Variants in THAP12 observed in about 807,000 individuals in gnomAD.
THAP12 encodes the protein 52 kDa repressor of the inhibitor of the protein kinase.
Under a neutral mutation model 63.0 loss-of-function variants are expected in THAP12, and 20 were observed. The ratio of observed to expected loss-of-function variants is 0.32; its 90% CI spans 0.22 to 0.46. The LOEUF (loss-of-function observed/expected upper bound fraction) is 0.46. THAP12 is among the 20% of genes least tolerant of loss of function. The pLI, the probability that THAP12 is intolerant of heterozygous loss-of-function variation, is 1.00. For synonymous variants in THAP12, 264 were observed against 328.4 expected, an observed-to-expected ratio of 0.80 and a Z score of 2.12; for missense variants, 568 against 908.2, an observed-to-expected ratio of 0.63 and a Z score of 4.81.
chr11:76,370,171 G>A (rs1310922339), intron 1 of THAP12, among the ~76,000 whole-genome samples: 2 of 152,114 alleles, frequency 1.3e-5, no homozygotes, highest in Non-Finnish European at 1.5e-5. Flanking sequence ...ACTAATCCAA[G>A]GTATGTGAAG....
chr11:76,380,530 C>A (rs906287862), intron 1 of THAP12, among the ~76,000 whole-genome samples: 1 of 152,174 alleles, frequency 6.6e-6, no homozygotes, highest in Non-Finnish European at 1.5e-5. Flanking sequence ...CCGCGCAGAG[C>A]CCCCACCAGC....
chr11:76,363,227 C>A (rs1179222639), intron 2 of THAP12, among the ~76,000 whole-genome samples: 1 of 152,124 alleles, frequency 6.6e-6, no homozygotes, highest in African/African-American at 2.4e-5. Context: ...ACGTATGATA[C>A]CAAGTATCTC....
In THAP12 at chr11:76,352,740, G is replaced by A. The variant is rs770972148; in HGVS notation, c.410C>T (p.Ala137Val). Residue 137 changes from alanine (A) to valine (V), a missense_variant, in exon 5 of 5, where the codon GCT becomes GTT. Ala to Val is a moderately conservative substitution (Grantham distance 64). Transcript: ENST00000260045. ...QKHKETNNSN[A>V]QNPSEEEGEG... is the part of the protein sequence containing the mutation. Reference sequence around the variant, plus strand: ...ACCCTCTTCTTCGCTGGGGTTCTGAGCATTGCTATTGTTGGTTTCTTTATG... The same window carrying A: ...ACCCTCTTCTTCGCTGGGGTTCTGAACATTGCTATTGTTGGTTTCTTTATG... 80 of 1,578,552 alleles carry A rather than the reference G, an allele frequency of 5.1e-5. No homozygotes were observed. The highest frequency in any genetic ancestry group is 6.2e-5 in the Non-Finnish European group (72 of 1,165,542).
chr11:76,374,747 C>T lies in THAP12; in HGVS notation c.89+6001G>A, dbSNP rs529742178. On this transcript the variant is annotated intron_variant, in intron 1 of 4. Coordinates refer to ENST00000260045, the MANE Select transcript of THAP12 (RefSeq NM_004705.4). ...AGTGTTATTATGAAAATAGTTCTGA[C>T]ATTGTGGACTCCCTGAAAGGATCTT... Among the ~76,000 whole-genome samples, 5 of 152,302 alleles carry T rather than the reference C, an allele frequency of 3.3e-5. No homozygotes were observed. The South Asian group carries it at 1.0e-3, about 32-fold the overall frequency.
chr11:76,363,930 C>T (rs577080060), intron 2 of THAP12, among the ~76,000 whole-genome samples: 29 of 152,262 alleles, frequency 1.9e-4, no homozygotes, highest in African/African-American at 6.3e-4. Flanking sequence ...TTAATAACAA[C>T]ATCTCCTAGA....
chr11:76,354,811 A>G (rs1271979885), intron 4 of THAP12, among the ~76,000 whole-genome samples: 1 of 152,130 alleles, frequency 6.6e-6, no homozygotes, highest in Non-Finnish European at 1.5e-5. Context: ...TCTCTAGGCT[A>G]TTTTCTAACC....
chr11:76,371,810 C>CTTTTTT (rs71036086), intron 1 of THAP12, among the ~76,000 whole-genome samples: 5 of 65,736 alleles, frequency 7.6e-5, no homozygotes, highest in African/African-American at 2.4e-4. Flanking sequence ...TTTAACTTTT[C>CTTTTTT]TTTTTTTTTT....
intron 1 of THAP12, 97 bp from the exon 2 acceptor site, chr11:76,366,069 C>T (rs1345290695): frequency 7.6e-7 from 1 of 1,309,426 alleles, no homozygotes; most frequent in Non-Finnish European, 1.1e-6. Context: ...ACAACGGATT[C>T]CTGCTCCCCT....
intron 3 of THAP12, among the ~76,000 whole-genome samples, chr11:76,360,404 T>C (rs1946590530): frequency 6.6e-6 from 1 of 152,192 alleles, no homozygotes; most frequent in South Asian, 2.1e-4. Flanking sequence ...TGTACTTCTG[T>C]TCACCTAAGG....
At chr11:76,366,996 T>G (rs1946635644) in intron 1 of THAP12, among the ~76,000 whole-genome samples, 1 of 151,798 alleles carries the variant, frequency 6.6e-6, no homozygotes, top group African/African-American at 2.4e-5. Flanking sequence ...ACTATTAATA[T>G]CCCCCTTGTG....
rs1436362956 is a variant in THAP12, at chr11:76,351,431, G to A, written c.1719C>T (p.Tyr573=). 6.2e-7 allele frequency: 1 copy of A among 1,603,522 alleles called. No individual in the cohort carries two copies. The highest frequency in any genetic ancestry group is 8.5e-7 in the Non-Finnish European group (1 of 1,172,382). Residue 573 remains tyrosine (Y), a synonymous_variant, in exon 5 of 5, where the codon TAC becomes TAT. Coordinates refer to ENST00000260045, the MANE Select transcript of THAP12 (RefSeq NM_004705.4). ...NLESQLTSES[Y]YKETLSVPTV... ...TTGGGACACTTAGGGTTTCTTTATA[G>A]TAACTCTCAGAGGTTAGCTGAGATT...
At chr11:76,359,601 G>A (rs1056469704) in intron 3 of THAP12, 5 of 152,190 alleles carry the variant, frequency 3.3e-5, no homozygotes, top group African/African-American at 9.7e-5. Flanking sequence ...GCCGAGGTGG[G>A]CGGATCACTT....
At position 76,352,017 on chromosome 11, in the gene THAP12, G is replaced by T; in HGVS notation, c.1133C>A (p.Ser378Tyr). The T allele has an allele frequency of 6.2e-7, 1 of 1,610,346 alleles. No homozygotes were observed. The highest frequency in any genetic ancestry group is 2.2e-5 in the East Asian group (1 of 44,866). Reference sequence around the variant, plus strand: ...TTCCTCAATTGTTCCTAATGCAACAGATACTCCCATAACAGGTACTGATTT... The same window carrying T: ...TTCCTCAATTGTTCCTAATGCAACATATACTCCCATAACAGGTACTGATTT... ...LAKSVPVMGV[S>Y]VALGTIEEVC... is the part of the protein sequence containing the mutation. Residue 378 changes from serine to tyrosine, a missense_variant, in exon 5 of 5, where the codon TCT (serine) becomes TAT (tyrosine). Physicochemically the swap from Ser to Tyr is moderately radical, Grantham distance 144 (BLOSUM62 -2). Transcript: ENST00000260045.
chr11:76,371,810 CTTTTT>C (rs71036086), intron 1 of THAP12, among the ~76,000 whole-genome samples: 12 of 65,750 alleles, frequency 1.8e-4, no homozygotes, highest in African/African-American at 4.9e-4. Flanking sequence ...TTTAACTTTT[CTTTTT>C]TTTTTTTTTT....
In THAP12 at chr11:76,380,758, C is replaced by A; in HGVS notation, c.79G>T (p.Asp27Tyr). The A allele has an allele frequency of 6.9e-7, 1 of 1,455,568 alleles. No homozygotes were observed. The highest frequency in any genetic ancestry group is 9.1e-7 in the Non-Finnish European group (1 of 1,097,052). The allele number at this position is 1,455,568 out of a possible 1,614,324, so 90.2% of individuals were successfully genotyped here. The change falls in exon 1 of 5, where the codon GAC (aspartate) becomes TAC (tyrosine). Residue 27 changes from aspartate (D) to tyrosine (Y), a missense_variant. Transcript: ENST00000260045. ...SDLAFFRFPR[D>Y]PARCQKWVEN... ...GCGCCCGCCGCTTACCTGGCAGGGT[C>A]CCGCGGGAACCTGAAGAAGGCCAAG... is the stretch of plus-strand genomic sequence containing the variant.
Position 76,351,058 on chromosome 11 carries a change from C to T in THAP12, c.2092G>A (p.Glu698Lys). 1 of 1,611,996 alleles carries T rather than the reference C, an allele frequency of 6.2e-7. No homozygotes were observed. The highest frequency in any genetic ancestry group is 8.5e-7 in the Non-Finnish European group (1 of 1,179,828). The change falls in exon 5 of 5, where the codon GAA (glutamate) becomes AAA (lysine). Residue 698 changes from glutamate to lysine, a missense_variant. Transcript: ENST00000260045. ...PVMKVENERY[E>K]NGRKRLKAYL... ...GCTTTAAGACGCTTTCGTCCATTTT[C>T]ATACCGCTCATTCTCAACCTTCATC...
At chr11:76,355,286 A>G (rs1946553630) in intron 4 of THAP12, among the ~76,000 whole-genome samples, 1 of 152,226 alleles carries the variant, frequency 6.6e-6, no homozygotes, top group Admixed American at 6.5e-5. Context: ...GGGTGGACAG[A>G]AAAAGAGATT....
intron 1 of THAP12, among the ~76,000 whole-genome samples, chr11:76,367,567 C>T (rs1404637384): frequency 2.0e-5 from 3 of 152,036 alleles, no homozygotes; most frequent in Non-Finnish European, 4.4e-5. Context: ...AGATTATAGG[C>T]GTGCACCACG....
intron 1 of THAP12, among the ~76,000 whole-genome samples, chr11:76,373,869 T>A (rs1014587763): frequency 1.3e-5 from 2 of 152,108 alleles, no homozygotes; most frequent in Non-Finnish European, 2.9e-5. Context: ...ATCAGAAAAA[T>A]TTTAAAAATA....
Sources: gnomAD v4.1 joint callset for allele counts (sites outside exome capture counted in the v4.1 genomes callset) on GRCh38, gnomAD v4.1.1 for gene constraint, MANE v1.5 for transcripts, NCBI Gene and HGNC (gene_info 2026-07-23, HGNC 2026-07-21) for gene names.